LRP4: variants seen among roughly 807,000 people sequenced by gnomAD.
The protein encoded by LRP4 is low-density lipoprotein receptor-related protein 4.
Under a neutral mutation model 220.3 loss-of-function variants are expected in LRP4, and 95 were observed. That is an observed-to-expected ratio of 0.43 (90% confidence interval 0.37 to 0.51). The LOEUF (loss-of-function observed/expected upper bound fraction) is 0.51. Among genes scored for constraint, LRP4 ranks in the 20% least tolerant of loss-of-function variants. The pLI is 0.00. For synonymous variants in LRP4, 903 were observed against 954.6 expected, an observed-to-expected ratio of 0.95 and a Z score of 1.00; for missense variants, 1,925 against 2,567.0, an observed-to-expected ratio of 0.75 and a Z score of 5.40.
At chr11:46,904,005 CGT>C (rs766786475) in intron 1 of LRP4, among the ~76,000 whole-genome samples, 5 of 152,212 alleles carry the variant, frequency 3.3e-5, no homozygotes, top group Admixed American at 6.5e-5. Context: ...CCTGGGATGG[CGT>C]GTGAATGGCT....
chr11:46,871,487 G>T, intron 31 of LRP4, 38 bp downstream of exon 31: 1 of 1,389,744 alleles, frequency 7.2e-7, no homozygotes, highest in Non-Finnish European at 1.0e-6. Flanking sequence ...AAACATCCCA[G>T]TCAAGGAGGT....
At chr11:46,902,610 G>T (rs766426714) in intron 2 of LRP4, among the ~76,000 whole-genome samples, 173 bp downstream of exon 2, 2 of 152,128 alleles carry the variant, frequency 1.3e-5, no homozygotes, top group Non-Finnish European at 2.9e-5. Flanking sequence ...AGGAGAGTTG[G>T]AGCCATATAT....
At chr11:46,906,185 G>A (rs1032613606) in intron 1 of LRP4, among the ~76,000 whole-genome samples, 2 of 152,204 alleles carry the variant, frequency 1.3e-5, no homozygotes, top group Admixed American at 1.3e-4. Context: ...GCTGAACATG[G>A]TGGCTCATGC....
At position 46,875,987 on chromosome 11, in the gene LRP4, G is replaced by A; in HGVS notation, c.3537-21C>T. 1.2e-6 allele frequency: 2 copies of A among 1,609,870 alleles called. No homozygotes were observed. Among genetic ancestry groups the A allele is most frequent in the Middle Eastern group, 1.7e-4 (1 of 6,060 alleles). On this transcript the variant is annotated intron_variant, in intron 25 of 37. Transcript: ENST00000378623. The surrounding 1 kb of genome is among the most constrained non-coding windows in gnomAD (Gnocchi z 4.5). ...TAAACCTGAGTGAGGAAGAATATTAGCTATATTAGCTAGTTATTCCAGCAG... is the reference window on the plus strand; with the variant it reads ...TAAACCTGAGTGAGGAAGAATATTAACTATATTAGCTAGTTATTCCAGCAG...
intron 1 of LRP4, among the ~76,000 whole-genome samples, chr11:46,912,630 C>T (rs929323272): frequency 6.6e-6 from 1 of 152,222 alleles, no homozygotes; most frequent in Non-Finnish European, 1.5e-5. Flanking sequence ...CGCGTGGTTG[C>T]AGGCCACTAC....
chr11:46,895,854 G>A (rs751312318), intron 10 of LRP4, 30 bp downstream of exon 10: 108 of 1,608,220 alleles, frequency 6.7e-5, no homozygotes, highest in East Asian at 2.5e-4. Flanking sequence ...TCAGAACCCC[G>A]ACTCTGCTGC....
At position 46,894,693 on chromosome 11, in the gene LRP4, C is replaced by T. The variant is rs764520299; in HGVS notation, c.1436G>A (p.Arg479His). 2.0e-5 allele frequency: 33 copies of T among 1,614,070 alleles called. No individual in the cohort carries two copies. In the East Asian group the frequency reaches 2.9e-4, roughly 14 times the overall value. Residue 479 changes from arginine to histidine, a missense_variant, in exon 12 of 38, where the codon CGC becomes CAC. This residue lies in a region of LRP4 where 269 missense variants were observed against 436.7 expected (regional missense o/e 0.62). Coordinates refer to ENST00000378623, the MANE Select transcript of LRP4 (RefSeq NM_002334.4). ...NAIALDFHHRRELVFWSDVTL... is the reference protein window; with the variant it reads ...NAIALDFHHRHELVFWSDVTL... The stretch of plus-strand genomic sequence containing the variant: ...GACATCTGACCAGAAGACAAGCTCG[C>T]GGCGGTGGTGGAAATCAAGGGCAAT...
chr11:46,911,701 G>A (rs565278597), intron 1 of LRP4, among the ~76,000 whole-genome samples: 1 of 152,032 alleles, frequency 6.6e-6, no homozygotes, highest in African/African-American at 2.4e-5. Flanking sequence ...GAAAACAGAG[G>A]AGAGGTCAAT....
At chr11:46,915,821 T>C (rs1185293472) in intron 1 of LRP4, among the ~76,000 whole-genome samples, 1 of 152,170 alleles carries the variant, frequency 6.6e-6, no homozygotes, top group South Asian at 2.1e-4. Flanking sequence ...CCTTAAACTT[T>C]AGTGTCTTTA....
chr11:46,909,556 G>C (rs1430132310), intron 1 of LRP4, among the ~76,000 whole-genome samples: 1 of 97,524 alleles, frequency 1.0e-5, no homozygotes, highest in African/African-American at 4.1e-5. Context: ...AGTGAGCCGA[G>C]ATTGCGCCAC....
intron 1 of LRP4, among the ~76,000 whole-genome samples, chr11:46,917,686 A>G (rs533636865): frequency 3.9e-5 from 6 of 152,040 alleles, no homozygotes; most frequent in Non-Finnish European, 7.4e-5. Context: ...TCCCTTTAGG[A>G]CGATCCAGGG....
In LRP4 at chr11:46,893,023, C is replaced by T. The variant is rs1470459434; in HGVS notation, c.1647G>A (p.Leu549=). ...CCCGGGGCTTCTCCAGGTTCTGCCACAGCAACACTTTCCGGTGGGCCCCAT... is the reference window on the plus strand; with the variant it reads ...CCCGGGGCTTCTCCAGGTTCTGCCATAGCAACACTTTCCGGTGGGCCCCAT... ...NLDGAHRKVL[L]WQNLEKPRAI... is the part of the protein sequence containing the mutation. Residue 549 remains leucine, a synonymous_variant, in exon 13 of 38, where the codon CTG becomes CTA. Coordinates refer to ENST00000378623, the MANE Select transcript of LRP4 (RefSeq NM_002334.4). The T allele has an allele frequency of 1.9e-6, 3 of 1,614,088 alleles. No individual in the cohort carries two copies. The highest frequency in any genetic ancestry group is 2.5e-6 in the Non-Finnish European group (3 of 1,179,990).
chr11:46,876,979 C>A, intron 23 of LRP4, 149 bp from the exon 24 acceptor site: 1 of 854,472 alleles, frequency 1.2e-6, no homozygotes, highest in East Asian at 2.5e-5. Flanking sequence ...AATATCATAG[C>A]AGGATAGCTC....
chr11:46,864,422 G>A (rs1940639389), intron 36 of LRP4, 26 bp downstream of exon 36: 1 of 1,526,982 alleles, frequency 6.5e-7, no homozygotes, highest in South Asian at 1.1e-5. Flanking sequence ...ATGAGCATGT[G>A]GCCCCTGTAG....
Position 46,865,099 on chromosome 11 carries a change from G to A in LRP4, c.5155+20C>T, listed in dbSNP as rs1350001611. 6.4e-7 allele frequency: 1 copy of A among 1,555,058 alleles called. No homozygotes were observed. The highest frequency in any genetic ancestry group is 1.2e-5 in the South Asian group (1 of 84,304). On this transcript the variant is annotated intron_variant, in intron 35 of 37. Transcript: ENST00000378623. ...TCATTACATCTTCTTTTCCGGAACA[G>A]TGGGGTACTCAGGGCTTACCTGGAG...
chr11:46,885,264 T>A (rs1187693724), intron 18 of LRP4, among the ~76,000 whole-genome samples: 1 of 152,178 alleles, frequency 6.6e-6, no homozygotes, highest in Non-Finnish European at 1.5e-5. Context: ...CCCAAAGCGC[T>A]AGGATTATAG....
chr11:46,886,452 A>C lies in LRP4; in HGVS notation c.2297T>G (p.Val766Gly). The change falls in exon 17 of 38, where the codon GTC becomes GGC. Residue 766 changes from valine (V) to glycine (G), a missense_variant. Around this residue, in one of 3 missense-constraint regions of LRP4, gnomAD observed 1,244 missense variants for 1,624.9 expected, o/e 0.77. Transcript: ENST00000378623. ...ACTGCGCACGTCAGCCAGTGGGATG[A>C]CATCATCAGACAGGTCCTCTGTGTC... ...SFDTEDLSDD[V>G]IPLADVRSAV... The C allele has an allele frequency of 6.2e-7, 1 of 1,614,148 alleles. No homozygotes were observed. The highest frequency in any genetic ancestry group is 1.1e-5 in the South Asian group (1 of 91,068).
intron 36 of LRP4, 133 bp downstream of exon 36, chr11:46,864,315 C>T (rs1377300924): frequency 2.6e-6 from 2 of 756,046 alleles, no homozygotes; most frequent in East Asian, 2.5e-5. Context: ...CCTTCTGCTG[C>T]CCTGACCAGG....
chr11:46,914,841 A>AT (rs147118295), intron 1 of LRP4, among the ~76,000 whole-genome samples: 17 of 150,240 alleles, frequency 1.1e-4, no homozygotes, highest in Admixed American at 2.7e-4. Flanking sequence ...AACCCCCAGT[A>AT]TTTTTTTTTT....
Sources: allele counts gnomAD v4.1 joint callset (sites outside exome capture counted in the v4.1 genomes callset), GRCh38; gene constraint gnomAD v4.1.1; regional missense constraint gnomAD v4.1.1; non-coding constraint Gnocchi (gnomAD v3.1); transcripts MANE v1.5; gene names NCBI Gene and HGNC (gene_info 2026-07-23, HGNC 2026-07-21).